CFL2: variants seen among roughly 807,000 people sequenced by gnomAD.
The protein encoded by CFL2 is cofilin 2, also known as cofilin-2.
A neutral mutation model predicts 19.6 loss-of-function variants in CFL2; 10 were observed. The observed-to-expected ratio is 0.51, with a 90% CI of 0.31 to 0.86. The LOEUF is 0.86. CFL2 is among the 40% of genes least tolerant of loss of function. The pLI is 0.04. For missense variants in CFL2, 125 were observed against 192.1 expected (o/e 0.65, Z 2.06); for synonymous variants, 63 against 66.7 (o/e 0.95, Z 0.27).
rs1312925611 is a variant in CFL2 at position 34,711,222 on chromosome 14, C to T, written c.*1643G>A. On this transcript the variant is annotated 3_prime_UTR_variant, in exon 4 of 4. Transcript: ENST00000298159. ...TTTCTTTCCTGTTTTCTGCTAAAAG[C>T]ATTCCTCTGAGCTATGGGGTTAAGT... 1 of 454,360 alleles carries T rather than the reference C, an allele frequency of 2.2e-6. No homozygotes were observed. Among genetic ancestry groups the T allele is most frequent in the African/African-American group, 2.0e-5 (1 of 49,996 alleles). The allele number at this position is 454,360 out of a possible 1,614,324, so 28.1% of individuals were successfully genotyped here. A position where few individuals can be genotyped will look rare whatever the true frequency, so the allele number is the denominator to read the frequency against.
rs1398096082 is a variant in CFL2, at chr14:34,712,516, C to A, written c.*349G>T. ...TTGACCATCTGACCAGTGGATAATACTTTCAAGGCATTCAATTAGCTTATC... is the reference window on the plus strand; with the variant it reads ...TTGACCATCTGACCAGTGGATAATAATTTCAAGGCATTCAATTAGCTTATC... On this transcript the variant is annotated 3_prime_UTR_variant, in exon 4 of 4. Coordinates refer to ENST00000298159, the MANE Select transcript of CFL2 (RefSeq NM_138638.5). 2.1e-6 allele frequency: 1 copy of A among 469,080 alleles called. No homozygotes were observed. Among genetic ancestry groups the A allele is most frequent in the South Asian group, 1.5e-5 (1 of 64,602 alleles). 29.1% of individuals were successfully genotyped at this position (469,080 alleles called of 1,614,324 possible). A position where few individuals can be genotyped will look rare whatever the true frequency, so the allele number is the denominator to read the frequency against.
In CFL2 at chr14:34,710,960, T is replaced by C. The variant is rs41528946; in HGVS notation, c.*1905A>G. ...ATTCTCTGTTTTGCTTATCAGAGTTTGGCCTTACCAAAAACCATCGAAATG... is the reference window on the plus strand; with the variant it reads ...ATTCTCTGTTTTGCTTATCAGAGTTCGGCCTTACCAAAAACCATCGAAATG... On this transcript the variant is annotated 3_prime_UTR_variant, in exon 4 of 4. Transcript: ENST00000298159. The C allele has an allele frequency of 0.012, 5,494 of 454,090 alleles. 270 individuals are homozygous for C. Among genetic ancestry groups the C allele is most frequent in the African/African-American group, 0.097 (4,858 of 50,090 alleles). The allele number at this position is 454,090 out of a possible 1,614,324, so 28.1% of individuals were successfully genotyped here. A position where few individuals can be genotyped will look rare whatever the true frequency, so the allele number is the denominator to read the frequency against.
chr14:34,710,566 T>G lies in CFL2; in HGVS notation c.*2299A>C, dbSNP rs1416214066. On this transcript the variant is annotated 3_prime_UTR_variant, in exon 4 of 4. Coordinates refer to ENST00000298159, the MANE Select transcript of CFL2 (RefSeq NM_138638.5). ...TTTTAAAGCTAACTGGAACATTGAT[T>G]CATTATAAATGATTGTAAAATAAAA... 1 of 431,890 alleles carries G rather than the reference T, an allele frequency of 2.3e-6. No homozygotes were observed. The highest frequency in any genetic ancestry group is 4.6e-6 in the Non-Finnish European group (1 of 217,840). The allele number at this position is 431,890 out of a possible 1,614,324, so 26.8% of individuals were successfully genotyped here. A position where few individuals can be genotyped will look rare whatever the true frequency, so the allele number is the denominator to read the frequency against.
rs899283386 is a variant in CFL2 at position 34,711,766 on chromosome 14, A to C, written c.*1099T>G. Reference sequence around the variant, plus strand: ...TCTGATCTTCATATTAACACATAGGAAATAAATACACTAATGTTTATAAAA... The same window carrying C: ...TCTGATCTTCATATTAACACATAGGCAATAAATACACTAATGTTTATAAAA... On this transcript the variant is annotated 3_prime_UTR_variant, in exon 4 of 4. Coordinates refer to ENST00000298159, the MANE Select transcript of CFL2 (RefSeq NM_138638.5). 4 of 443,578 alleles carry C rather than the reference A, an allele frequency of 9.0e-6. No homozygotes were observed. Among genetic ancestry groups the C allele is most frequent in the African/African-American group, 8.1e-5 (4 of 49,276 alleles). The allele number at this position is 443,578 out of a possible 1,614,324, so 27.5% of individuals were successfully genotyped here.
intron 1 of CFL2, 31 bp downstream of exon 1, chr14:34,714,507 C>A (rs1470880040): frequency 1.9e-6 from 3 of 1,567,812 alleles, no homozygotes; most frequent in East Asian, 2.4e-5. Context: ...CTCGCCTCGC[C>A]GCGGCCTCCC....
chr14:34,714,253 G>A (rs1001020172), intron 1 of CFL2: 9 of 443,278 alleles, frequency 2.0e-5, no homozygotes, highest in Admixed American at 8.4e-5. Flanking sequence ...AAGGCGGCGC[G>A]AGCGGCTGCA....
chr14:34,713,797 C>G (rs1288372880), intron 1 of CFL2: 1 of 1,601,744 alleles, frequency 6.2e-7, no homozygotes, highest in Non-Finnish European at 8.5e-7. Context: ...GCGAAAGGGA[C>G]AAATACAAGT....
At chr14:34,713,610 A>C in intron 1 of CFL2, 49 bp from the exon 2 acceptor site, 4 of 1,614,046 alleles carry the variant, frequency 2.5e-6, no homozygotes, top group Non-Finnish European at 3.4e-6. Flanking sequence ...TTTGGTTTTA[A>C]CCAAAATTAC....
In CFL2 at chr14:34,711,420, G is replaced by A. The variant is rs1566523279; in HGVS notation, c.*1445C>T. ...CTGAGCAGATCAAATTCTCTATAAG[G>A]AGCACAGTCTGGACCATAGCCAAAT... On this transcript the variant is annotated 3_prime_UTR_variant, in exon 4 of 4. Transcript: ENST00000298159. The A allele has an allele frequency of 4.4e-6, 2 of 454,508 alleles. No individual in the cohort carries two copies. The highest frequency in any genetic ancestry group is 6.9e-4 in the Middle Eastern group (1 of 1,444). 28.2% of individuals were successfully genotyped at this position (454,508 alleles called of 1,614,324 possible).
At position 34,710,652 on chromosome 14, in the gene CFL2, C is replaced by CT. The variant is rs1362998690; in HGVS notation, c.*2212dup. On this transcript the variant is annotated 3_prime_UTR_variant, in exon 4 of 4. Coordinates refer to ENST00000298159, the MANE Select transcript of CFL2 (RefSeq NM_138638.5). ...AAGTGAACTATTATTAATTTTATCT[C>CT]TTTTTTTGGCTCTACGCACAAAGAT... 2.3e-5 allele frequency: 10 copies of CT among 439,368 alleles called. No individual in the cohort carries two copies. The highest frequency in any genetic ancestry group is 4.1e-5 in the African/African-American group (2 of 49,182). The allele number at this position is 439,368 out of a possible 1,614,324, so 27.2% of individuals were successfully genotyped here. A position where few individuals can be genotyped will look rare whatever the true frequency, so the allele number is the denominator to read the frequency against.
rs544351937 is a variant in CFL2 at position 34,710,979 on chromosome 14, C to G, written c.*1886G>C. 2 of 454,046 alleles carry G rather than the reference C, an allele frequency of 4.4e-6. No homozygotes were observed. The highest frequency in any genetic ancestry group is 2.3e-5 in the Admixed American group (1 of 42,566). 28.1% of individuals were successfully genotyped at this position (454,046 alleles called of 1,614,324 possible). A position where few individuals can be genotyped will look rare whatever the true frequency, so the allele number is the denominator to read the frequency against. Reference sequence around the variant, plus strand: ...AGAGTTTGGCCTTACCAAAAACCATCGAAATGTCCAGGATAACTCACAGGG... The same window carrying G: ...AGAGTTTGGCCTTACCAAAAACCATGGAAATGTCCAGGATAACTCACAGGG... On this transcript the variant is annotated 3_prime_UTR_variant, in exon 4 of 4. Coordinates refer to ENST00000298159, the MANE Select transcript of CFL2 (RefSeq NM_138638.5).
chr14:34,714,316 G>A lies in CFL2; in HGVS notation c.3+222C>T, dbSNP rs1594785550. ...CGCCCGGCCCCGACCCCCAACCTGC[G>A]CCGACGCCCGGGCCCTCCCCGCCCC... is the stretch of plus-strand genomic sequence containing the variant. On this transcript the variant is annotated intron_variant, in intron 1 of 3. Coordinates refer to ENST00000298159, the MANE Select transcript of CFL2 (RefSeq NM_138638.5). The A allele has an allele frequency of 7.9e-6, 5 of 636,308 alleles. No individual in the cohort carries two copies. In the East Asian group the frequency reaches 1.5e-4, roughly 19 times the overall value. 39.4% of individuals were successfully genotyped at this position (636,308 alleles called of 1,614,324 possible).
Position 34,713,574 on chromosome 14 carries a change from ACAGAACAGTAATT to A in CFL2, c.4-26_4-14del. 6.2e-7 allele frequency: 1 copy of A among 1,614,066 alleles called. No homozygotes were observed. The highest frequency in any genetic ancestry group is 8.5e-7 in the Non-Finnish European group (1 of 1,179,964). ...TAACTCCAGAAGCCTGAAAATAAAC[ACAGAACAGTAATT>A]CAGAACACGTATTTTGGTTTTAACC... On this transcript the variant is annotated splice_polypyrimidine_tract_variant and intron_variant, in intron 1 of 3. Coordinates refer to ENST00000298159, the MANE Select transcript of CFL2 (RefSeq NM_138638.5).
chr14:34,711,395 C>T lies in CFL2; in HGVS notation c.*1470G>A, dbSNP rs772884816. 6.6e-6 allele frequency: 3 copies of T among 454,412 alleles called. No homozygotes were observed. Among genetic ancestry groups the T allele is most frequent in the Non-Finnish European group, 1.3e-5 (3 of 226,790 alleles). 28.1% of individuals were successfully genotyped at this position (454,412 alleles called of 1,614,324 possible). A position where few individuals can be genotyped will look rare whatever the true frequency, so the allele number is the denominator to read the frequency against. ...CCTGGCTAACAGCAAACCGCTCACA[C>T]TGAGCAGATCAAATTCTCTATAAGG... On this transcript the variant is annotated 3_prime_UTR_variant, in exon 4 of 4. Coordinates refer to ENST00000298159, the MANE Select transcript of CFL2 (RefSeq NM_138638.5).
chr14:34,713,718 A>G, intron 1 of CFL2, 157 bp from the exon 2 acceptor site: 1 of 1,612,430 alleles, frequency 6.2e-7, no homozygotes, highest in South Asian at 1.1e-5. Context: ...AAGAATCAGT[A>G]GACGATACAG....
chr14:34,712,723 G>A lies in CFL2; in HGVS notation c.*142C>T. ...TCACTGATAGGCTGCTTAAATAAAT[G>A]ATATTTCCTTCATTCATTGTGTTGG... On this transcript the variant is annotated 3_prime_UTR_variant, in exon 4 of 4. Coordinates refer to ENST00000298159, the MANE Select transcript of CFL2 (RefSeq NM_138638.5). 1 of 711,718 alleles carries A rather than the reference G, an allele frequency of 1.4e-6. No homozygotes were observed. The highest frequency in any genetic ancestry group is 2.6e-6 in the Non-Finnish European group (1 of 384,584). The allele number at this position is 711,718 out of a possible 1,614,324, so 44.1% of individuals were successfully genotyped here.
intron 1 of CFL2, 156 bp from the exon 2 acceptor site, chr14:34,713,717 T>C (rs769608512): frequency 1.0e-4 from 169 of 1,612,288 alleles, no homozygotes; most frequent in Non-Finnish European, 1.3e-4. Context: ...TAAGAATCAG[T>C]AGACGATACA....
At position 34,712,323 on chromosome 14, in the gene CFL2, A is replaced by C; in HGVS notation, c.*542T>G. ...ACACAGTTAACAAAACTTAATTGGC[A>C]TTCCTTTTAGGATATTAAACTTATT... On this transcript the variant is annotated 3_prime_UTR_variant, in exon 4 of 4. Transcript: ENST00000298159. 2.2e-6 allele frequency: 1 copy of C among 454,598 alleles called. No individual in the cohort carries two copies. The highest frequency in any genetic ancestry group is 4.4e-6 in the Non-Finnish European group (1 of 226,800). The allele number at this position is 454,598 out of a possible 1,614,324, so 28.2% of individuals were successfully genotyped here.
chr14:34,714,052 A>G, intron 1 of CFL2: 1 of 416,256 alleles, frequency 2.4e-6, no homozygotes, highest in East Asian at 4.7e-5. Flanking sequence ...ACATGCAGAC[A>G]CTCCAAAACT....
Sources: allele counts gnomAD v4.1 joint callset, GRCh38; gene constraint gnomAD v4.1.1; transcripts MANE v1.5; gene names NCBI Gene and HGNC (gene_info 2026-07-23, HGNC 2026-07-21).